The following PLXNC1 variants were observed in gnomAD, a reference collection of about 807,000 sequenced individuals.
The protein encoded by PLXNC1 is plexin C1, also known as plexin-C1.
A neutral mutation model predicts 178.2 loss-of-function variants in PLXNC1; 75 were observed. The observed-to-expected ratio is 0.42, with a 90% confidence interval of 0.35 to 0.51. The LOEUF (loss-of-function observed/expected upper bound fraction) is 0.51, where lower values mean the gene tolerates loss of function less well. Among genes scored for constraint, PLXNC1 ranks in the 20% least tolerant of loss-of-function variants. The pLI, the probability that PLXNC1 is intolerant of heterozygous loss-of-function variation, is 0.02. For missense variants in PLXNC1, 1,503 were observed against 1,984.4 expected, an observed-to-expected ratio of 0.76 and a Z score of 4.61; for synonymous variants, 790 against 779.9, an observed-to-expected ratio of 1.01 and a Z score of -0.22.
At chr12:94,184,479 G>A (rs1962440281) in intron 3 of PLXNC1, among the ~76,000 whole-genome samples, 1 of 151,600 alleles carries the variant, frequency 6.6e-6, no homozygotes, top group African/African-American at 2.4e-5. Flanking sequence ...CTGGAGTGCA[G>A]TGGTGTGATC....
intron 11 of PLXNC1, among the ~76,000 whole-genome samples, chr12:94,243,616 A>G (rs1229493596): frequency 6.6e-6 from 1 of 152,238 alleles, no homozygotes; most frequent in Non-Finnish European, 1.5e-5. Flanking sequence ...TTTTCAAGGT[A>G]CAGCTCCTGA....
intron 25 of PLXNC1, 36 bp downstream of exon 25, chr12:94,297,256 GC>G: frequency 6.2e-7 from 1 of 1,613,360 alleles, no homozygotes; most frequent in Non-Finnish European, 8.5e-7. Flanking sequence ...CCACTGAACT[GC>G]ATGCCTTCTG....
intron 4 of PLXNC1, among the ~76,000 whole-genome samples, chr12:94,189,052 T>A (rs967205217): frequency 1.3e-5 from 2 of 152,220 alleles, no homozygotes; most frequent in African/African-American, 4.8e-5. Context: ...CAGGAAGCAT[T>A]AGGGCCCACT....
At chr12:94,225,055 C>T (rs997458262) in intron 7 of PLXNC1, among the ~76,000 whole-genome samples, 1 of 152,028 alleles carries the variant, frequency 6.6e-6, no homozygotes, top group African/African-American at 2.4e-5. Flanking sequence ...GTTCCTGCTG[C>T]CCCCCTTTTC....
intron 6 of PLXNC1, among the ~76,000 whole-genome samples, chr12:94,223,771 T>G (rs1216820440): frequency 6.6e-6 from 1 of 152,236 alleles, no homozygotes; most frequent in Non-Finnish European, 1.5e-5. Flanking sequence ...CCATGGAAAC[T>G]ACACTTTAGA....
At chr12:94,219,161 A>G (rs1963723102) in intron 5 of PLXNC1, among the ~76,000 whole-genome samples, 1 of 152,228 alleles carries the variant, frequency 6.6e-6, no homozygotes, top group African/African-American at 2.4e-5. Flanking sequence ...AGCAGGAGAG[A>G]TTTGCCTTAT....
intron 6 of PLXNC1, among the ~76,000 whole-genome samples, chr12:94,222,243 A>G (rs1395213882): frequency 2.0e-5 from 3 of 152,180 alleles, no homozygotes; most frequent in Non-Finnish European, 4.4e-5. Flanking sequence ...TAGCGCCTCC[A>G]TCCGTTGCAC....
chr12:94,216,469 C>T (rs895738533), intron 5 of PLXNC1, among the ~76,000 whole-genome samples: 6 of 152,166 alleles, frequency 3.9e-5, no homozygotes, highest in African/African-American at 1.4e-4. Flanking sequence ...TGTTCAACCT[C>T]ACTAGTTTTC....
chr12:94,167,144 C>T (rs748632561), intron 1 of PLXNC1, among the ~76,000 whole-genome samples: 1 of 152,132 alleles, frequency 6.6e-6, no homozygotes, highest in Non-Finnish European at 1.5e-5. Context: ...TTCCTTGTTC[C>T]GTTTTAGCTT....
chr12:94,153,544 C>A (rs887191665), intron 1 of PLXNC1, among the ~76,000 whole-genome samples: 5 of 152,224 alleles, frequency 3.3e-5, no homozygotes, highest in Admixed American at 2.0e-4. Flanking sequence ...ACGTGATACA[C>A]AGAAAGTGTT....
chr12:94,156,596 G>A (rs1161754018), intron 1 of PLXNC1, among the ~76,000 whole-genome samples: 2 of 151,268 alleles, frequency 1.3e-5, no homozygotes. Flanking sequence ...TCCTGCCTCA[G>A]CCTCCTGAGT....
At chr12:94,279,134 C>T (rs890392905) in intron 21 of PLXNC1, among the ~76,000 whole-genome samples, 2 of 152,134 alleles carry the variant, frequency 1.3e-5, no homozygotes, top group East Asian at 1.9e-4. Flanking sequence ...TACTGTGGAA[C>T]CCTTCCAATT....
chr12:94,288,213 C>T (rs1329337218), intron 23 of PLXNC1, among the ~76,000 whole-genome samples: 3 of 152,190 alleles, frequency 2.0e-5, no homozygotes, highest in African/African-American at 7.2e-5. Flanking sequence ...GGGTGAATCT[C>T]GTGTCTGTGA....
At chr12:94,193,862 G>C (rs181242795) in intron 4 of PLXNC1, among the ~76,000 whole-genome samples, 74 of 152,308 alleles carry the variant, frequency 4.9e-4, no homozygotes, top group African/African-American at 1.7e-3. Context: ...GGAAACGCGG[G>C]GGGTGGACTT....
At chr12:94,226,830 C>A in intron 8 of PLXNC1, 123 bp downstream of exon 8, 1 of 716,036 alleles carries the variant, frequency 1.4e-6, no homozygotes, top group Non-Finnish European at 2.5e-6. Flanking sequence ...TCGAGACCAG[C>A]CTGACCAACA....
Position 94,220,096 on chromosome 12 carries a change from C to G in PLXNC1, c.1635C>G (p.Leu545=). ...MVKNVDSSRE[L]CQNKSQPNRT... Reference sequence around the variant, plus strand: ...AGAATGTGGACTCTAGCAGGGAGCTCTGCCAGAATAAAAGTCAGCCCAACC... The same window carrying G: ...AGAATGTGGACTCTAGCAGGGAGCTGTGCCAGAATAAAAGTCAGCCCAACC... Residue 545 remains leucine, a synonymous_variant, in exon 6 of 31, where the codon CTC becomes CTG. Coordinates refer to ENST00000258526, the MANE Select transcript of PLXNC1 (RefSeq NM_005761.3). 1 of 1,614,054 alleles carries G rather than the reference C, an allele frequency of 6.2e-7. No homozygotes were observed. The highest frequency in any genetic ancestry group is 8.5e-7 in the Non-Finnish European group (1 of 1,179,952).
intron 15 of PLXNC1, among the ~76,000 whole-genome samples, chr12:94,252,212 C>G (rs1008799641): frequency 1.4e-4 from 21 of 152,238 alleles, no homozygotes; most frequent in East Asian, 5.8e-4. Flanking sequence ...GACCACCCCC[C>G]ACCACCCATC....
chr12:94,201,220 A>G (rs1238918518), intron 4 of PLXNC1, among the ~76,000 whole-genome samples: 1 of 152,214 alleles, frequency 6.6e-6, no homozygotes, highest in African/African-American at 2.4e-5. Context: ...TTTAGGAGGA[A>G]ACAGAGCTGT....
At position 94,150,017 on chromosome 12, in the gene PLXNC1, C is replaced by A; in HGVS notation, c.1046C>A (p.Thr349Lys). ...RAKRVSWDFK[T>K]AESHCKEGDQ... ...AAGAGGGTCAGCTGGGACTTCAAGA[C>A]GGCCGAGAGCCACTGCGTAAGTCCT... is the stretch of plus-strand genomic sequence containing the variant. Residue 349 changes from threonine to lysine, a missense_variant, in exon 1 of 31, where the codon ACG (threonine) becomes AAG (lysine). Thr to Lys is a moderately conservative substitution (Grantham distance 78, BLOSUM62 -1). Around this residue, in one of 4 missense-constraint regions of PLXNC1, gnomAD observed 615 missense variants for 698.6 expected, o/e 0.88. Transcript: ENST00000258526. 1.3e-6 allele frequency: 2 copies of A among 1,594,944 alleles called. No homozygotes were observed. Among genetic ancestry groups the A allele is most frequent in the Non-Finnish European group, 8.5e-7 (1 of 1,172,226 alleles).
Sources: allele counts gnomAD v4.1 joint callset (sites outside exome capture counted in the v4.1 genomes callset), GRCh38; gene constraint gnomAD v4.1.1; regional missense constraint gnomAD v4.1.1; transcripts MANE v1.5; gene names NCBI Gene and HGNC (gene_info 2026-07-23, HGNC 2026-07-21).